Variants in NOX5 observed in about 807,000 individuals in gnomAD.
NOX5 encodes NADPH oxidase 5.
NOX5 carries 76 observed loss-of-function variants against 85.7 expected under a neutral mutation model. The observed-to-expected ratio is 0.89, with a 90% CI of 0.74 to 1.07. The LOEUF (loss-of-function observed/expected upper bound fraction) is 1.07. Among genes scored for constraint, NOX5 ranks in the 50% least tolerant of loss-of-function variants. The pLI, the probability that NOX5 is intolerant of heterozygous loss-of-function variation, is 0.00. For missense variants in NOX5, 973 were observed against 999.5 expected (o/e 0.97, Z 0.36); for synonymous variants, 405 against 401.4 (o/e 1.01, Z -0.11).
chr15:69,042,192 C>T (rs946740584), intron 9 of NOX5, among the ~76,000 whole-genome samples: 1 of 152,154 alleles, frequency 6.6e-6, no homozygotes, highest in Non-Finnish European at 1.5e-5. Flanking sequence ...CCTCACACCA[C>T]ATTTCCATCA....
intron 15 of NOX5, 147 bp downstream of exon 15, chr15:69,055,647 A>G: frequency 1.3e-6 from 1 of 773,364 alleles, no homozygotes; most frequent in Non-Finnish European, 2.0e-6. Flanking sequence ...GTGAAAGGTA[A>G]ACAGGGCACC....
At position 69,035,377 on chromosome 15, in the gene NOX5, C is replaced by T. The variant is rs2050499027; in HGVS notation, c.879C>T (p.Leu293=). ...AGGTGCTGATGCTCAGACGCTGCCT[C>T]ACCTGGCTGCGGGCCACGTGGCTGG... The part of the protein sequence containing the change: ...FIAVLMLRRC[L]TWLRATWLAQ... The change falls in exon 6 of 16, where the codon CTC becomes CTT. Residue 293 remains leucine, a synonymous_variant. Coordinates refer to ENST00000388866, the MANE Select transcript of NOX5 (RefSeq NM_024505.4). The T allele has an allele frequency of 1.9e-6, 3 of 1,614,008 alleles. No individual in the cohort carries two copies. The highest frequency in any genetic ancestry group is 1.3e-5 in the African/African-American group (1 of 74,930).
chr15:69,043,913 C>T (rs992071287), intron 10 of NOX5, among the ~76,000 whole-genome samples: 3 of 152,140 alleles, frequency 2.0e-5, no homozygotes, highest in African/African-American at 4.8e-5. Context: ...GGGCCGGGCA[C>T]GGTGGCTCAC....
At chr15:69,044,390 T>C (rs190061132) in intron 10 of NOX5, among the ~76,000 whole-genome samples, 3 of 152,252 alleles carry the variant, frequency 2.0e-5, no homozygotes, top group African/African-American at 7.2e-5. Flanking sequence ...ATGCATAACA[T>C]CTCAGGTGAT....
intron 14 of NOX5, among the ~76,000 whole-genome samples, chr15:69,051,924 A>G (rs1002624750): frequency 3.9e-5 from 6 of 152,206 alleles, no homozygotes; most frequent in African/African-American, 1.2e-4. Flanking sequence ...ACTTTTATCA[A>G]AAATGAATGT....
At chr15:69,041,157 G>A (rs2050589676) in intron 9 of NOX5, among the ~76,000 whole-genome samples, 1 of 152,208 alleles carries the variant, frequency 6.6e-6, no homozygotes, top group African/African-American at 2.4e-5. Flanking sequence ...CAGTTTAGCA[G>A]CTGTGGCTGA....
Position 69,033,073 on chromosome 15 carries a change from C to A in NOX5, c.651C>A (p.Pro217=), listed in dbSNP as rs772127736. The change falls in exon 5 of 16, where the codon CCC becomes CCA. Residue 217 remains proline (P), a synonymous_variant. Coordinates refer to ENST00000388866, the MANE Select transcript of NOX5 (RefSeq NM_024505.4). The part of the protein sequence containing the change: ...SAAHWLTAPA[P]RPRPRRPRQL... ...CCCACTGGCTGACGGCCCCCGCCCC[C>A]CGCCCACGCCCGCGCCGGCCGCGCC... 17 of 1,552,312 alleles carry A rather than the reference C, an allele frequency of 1.1e-5. No individual in the cohort carries two copies. The highest frequency in any genetic ancestry group is 9.8e-5 in the African/African-American group (7 of 71,426).
At chr15:69,025,905 G>A (rs1457820393) in intron 1 of NOX5, among the ~76,000 whole-genome samples, 2 of 152,146 alleles carry the variant, frequency 1.3e-5, no homozygotes, top group African/African-American at 4.8e-5. Context: ...TGGGCCTGAA[G>A]AGTTAAGACC....
At chr15:69,053,660 T>C (rs1393937934) in intron 14 of NOX5, among the ~76,000 whole-genome samples, 1 of 152,196 alleles carries the variant, frequency 6.6e-6, no homozygotes, top group Non-Finnish European at 1.5e-5. Context: ...CTTAGGAAAG[T>C]GTCCCAGAAA....
Position 69,042,788 on chromosome 15 carries a change from A to G in NOX5, c.1630A>G (p.Ser544Gly). ...GTCGAGGAGTGTGACAATGAGAAAG[A>G]GTCAAAGGTCGTCCAAGGTAGGTGG... ...RLSRSVTMRK[S>G]QRSSKGSEIL... Residue 544 changes from serine to glycine, a missense_variant, in exon 10 of 16, where the codon AGT becomes GGT. By Grantham distance (56) the Ser-to-Gly change is moderately conservative. Coordinates refer to ENST00000388866, the MANE Select transcript of NOX5 (RefSeq NM_024505.4). 2 of 1,614,026 alleles carry G rather than the reference A, an allele frequency of 1.2e-6. No individual in the cohort carries two copies. Among genetic ancestry groups the G allele is most frequent in the Middle Eastern group, 1.7e-4 (1 of 6,060 alleles).
At chr15:69,034,914 A>G (rs1202614636) in intron 5 of NOX5, among the ~76,000 whole-genome samples, 1 of 151,972 alleles carries the variant, frequency 6.6e-6, no homozygotes, top group East Asian at 1.9e-4. Context: ...GTGTGCCACC[A>G]TGCCCAGCTA....
chr15:69,030,213 T>A (rs1057187840), intron 3 of NOX5: 3 of 152,220 alleles, frequency 2.0e-5, no homozygotes, highest in Non-Finnish European at 2.9e-5. Flanking sequence ...ATTTATCAAA[T>A]AGGAATTATG....
rs144268593 is a variant in NOX5 at position 69,051,359 on chromosome 15, G to A, written c.1999+2301G>A. ...TTTTCTGGTTGTTTCAGGTGGAAGG[G>A]TAAATGTGGTTCATTTTACGGCAAT... On this transcript the variant is annotated intron_variant, in intron 14 of 15. Transcript: ENST00000388866. Among the ~76,000 whole-genome samples the A allele has an allele frequency of 6.5e-4, 99 of 152,118 alleles. 1 individual carries two copies. In the East Asian group the frequency reaches 0.018, roughly 28 times the overall value.
chr15:69,060,834 G>C lies in NOX5; in HGVS notation c.*4138G>C, dbSNP rs1036024116. 1 of 152,194 alleles carries C rather than the reference G, an allele frequency of 6.6e-6. No homozygotes were observed. Among genetic ancestry groups the C allele is most frequent in the African/African-American group, 2.4e-5 (1 of 41,446 alleles). The allele number at this position is 152,194 out of a possible 1,614,324, so 9.4% of individuals were successfully genotyped here. ...GACAGTTAGAAGCCAGCCTTAATCT[G>C]TCTTGGGCCCAGACAGCCCTTATCT... is the stretch of plus-strand genomic sequence containing the variant. On this transcript the variant is annotated 3_prime_UTR_variant, in exon 16 of 16. Coordinates refer to ENST00000388866, the MANE Select transcript of NOX5 (RefSeq NM_024505.4).
chr15:69,024,289 C>T (rs2050329644), intron 1 of NOX5: 1 of 152,030 alleles, frequency 6.6e-6, no homozygotes, highest in African/African-American at 2.4e-5. Context: ...ACAGTACAGC[C>T]CTGTTACACA....
rs1198838250 is a variant in NOX5 at position 69,055,512 on chromosome 15, T to C, written c.2166+12T>C. The C allele has an allele frequency of 7.4e-6, 12 of 1,612,402 alleles. No homozygotes were observed. The highest frequency in any genetic ancestry group is 1.3e-5 in the African/African-American group (1 of 75,046). The stretch of plus-strand genomic sequence containing the variant: ...CTGACTGGAGCAAGGTAATGCCAAC[T>C]GGAGCCCTGCAGCTTGCAGGTATGG... On this transcript the variant is annotated intron_variant, in intron 15 of 15. Coordinates refer to ENST00000388866, the MANE Select transcript of NOX5 (RefSeq NM_024505.4).
At chr15:69,054,455 C>T (rs937254527) in intron 14 of NOX5, among the ~76,000 whole-genome samples, 4 of 152,192 alleles carry the variant, frequency 2.6e-5, no homozygotes, top group African/African-American at 4.8e-5. Flanking sequence ...TCAACCTTCC[C>T]CTGTCTCCTA....
At chr15:69,045,540 C>CTTTCTTTCTTTCTTTCTT (rs1555437216) in intron 10 of NOX5, among the ~76,000 whole-genome samples, 1 of 110,210 alleles carries the variant, frequency 9.1e-6, no homozygotes, top group Non-Finnish European at 1.7e-5. Context: ...TTTCTTTTTT[C>CTTTCTTTCTTTCTTTCTT]TTTCTTTCTT....
intron 15 of NOX5, 106 bp downstream of exon 15, chr15:69,055,606 T>A: frequency 7.6e-7 from 1 of 1,320,230 alleles, no homozygotes; most frequent in Non-Finnish European, 1.0e-6. Context: ...AGTGTGAGGT[T>A]AAGTCCAGAG....
Sources: gnomAD v4.1 joint callset for allele counts (sites outside exome capture counted in the v4.1 genomes callset) on GRCh38, gnomAD v4.1.1 for gene constraint, MANE v1.5 for transcripts, NCBI Gene and HGNC (gene_info 2026-07-23, HGNC 2026-07-21) for gene names.